The following UNG variants were observed in gnomAD, a reference collection of about 807,000 sequenced individuals.
UNG encodes the protein uracil DNA glycosylase, also known as uracil-DNA glycosylase.
In UNG, 34 loss-of-function variants were observed where a neutral mutation model predicts 36.5. The ratio of observed to expected loss-of-function variants is 0.93; its 90% CI spans 0.71 to 1.24. UNG has a LOEUF of 1.24. Among genes scored for constraint, UNG ranks in the 50% most tolerant of loss-of-function variants. UNG has a pLI of 0.00. For synonymous variants in UNG, 172 were observed against 157.8 expected (o/e 1.09, Z -0.67); for missense variants, 391 against 397.6 (o/e 0.98, Z 0.14).
At position 109,110,674 on chromosome 12, in the gene UNG, T is replaced by A. The variant is rs990568930; in HGVS notation, c.*705T>A. 6.6e-6 allele frequency: 1 copy of A among 152,388 alleles called. No individual in the cohort carries two copies. Among genetic ancestry groups the A allele is most frequent in the Non-Finnish European group, 1.5e-5 (1 of 68,308 alleles). The allele number at this position is 152,388 out of a possible 1,614,324, so 9.4% of individuals were successfully genotyped here. On this transcript the variant is annotated 3_prime_UTR_variant, in exon 7 of 7. Transcript: ENST00000242576. ...AAGAGGAGAAAAGGGAATTTTGTCT[T>A]TATGGGGTGGGGTGATTTTCTCCTA...
intron 6 of UNG, among the ~76,000 whole-genome samples, chr12:109,106,571 CAT>C (rs1053796042): frequency 6.6e-6 from 1 of 151,936 alleles, no homozygotes; most frequent in African/African-American, 2.4e-5. Flanking sequence ...ATGTTTCAGT[CAT>C]AAACTGTATA....
At chr12:109,101,184 CT>C in intron 3 of UNG, among the ~76,000 whole-genome samples, 1 of 133,148 alleles carries the variant, frequency 7.5e-6, no homozygotes, top group South Asian at 2.4e-4. Flanking sequence ...CCTCCACCCC[CT>C]GGGTTCAAGC....
In UNG at chr12:109,109,297, C is replaced by T. The variant is rs3219269; in HGVS notation, c.802-532C>T. ...TGAAAATTGCATAGATAATTGCCAA[C>T]TTGAAGGCAGAGGGTGGTGCTCTTT... On this transcript the variant is annotated intron_variant, in intron 6 of 6. Transcript: ENST00000242576. Among the ~76,000 whole-genome samples the T allele has an allele frequency of 9.3e-3, 1,409 of 152,214 alleles. 27 individuals are homozygous for T. The highest frequency in any genetic ancestry group is 0.031 in the African/African-American group (1,300 of 41,520).
At position 109,097,784 on chromosome 12, in the gene UNG, G is replaced by A. The variant is rs781349708; in HGVS notation, c.105G>A (p.Gly35=). ...CCGTCCAGGGGACCGGCGTGGCTGG[G>A]GTGCCTGAGGAAAGCGGAGATGCGG... ...EPAVQGTGVA[G]VPEESGDAAA... The change falls in exon 1 of 7, where the codon GGG becomes GGA. Residue 35 remains glycine (G), a synonymous_variant. Transcript: ENST00000242576. 5 of 1,556,912 alleles carry A rather than the reference G, an allele frequency of 3.2e-6. No individual in the cohort carries two copies. Among genetic ancestry groups the A allele is most frequent in the Admixed American group, 1.9e-5 (1 of 52,204 alleles).
intron 5 of UNG, 90 bp from the exon 6 acceptor site, chr12:109,103,343 A>T: frequency 1.6e-6 from 2 of 1,238,632 alleles, no homozygotes; most frequent in Non-Finnish European, 2.4e-6. Context: ...CCCATCAAGC[A>T]TTGGTTTCAT....
At chr12:109,104,534 C>A (rs1456894157) in intron 6 of UNG, among the ~76,000 whole-genome samples, 1 of 152,154 alleles carries the variant, frequency 6.6e-6, no homozygotes, top group Non-Finnish European at 1.5e-5. Flanking sequence ...TCCATCCCAT[C>A]AGTAAATCCC....
At chr12:109,109,506 G>T (rs1469175149) in intron 6 of UNG, among the ~76,000 whole-genome samples, 1 of 151,316 alleles carries the variant, frequency 6.6e-6, no homozygotes, top group South Asian at 2.1e-4. Flanking sequence ...AGTCCCGGCC[G>T]GGCATGGTGG....
At chr12:109,098,101 G>A in intron 1 of UNG, 1 of 1,385,956 alleles carries the variant, frequency 7.2e-7, no homozygotes, top group Non-Finnish European at 9.3e-7. Context: ...GGACCCAGAG[G>A]GAGGTTTTTT....
intron 6 of UNG, among the ~76,000 whole-genome samples, chr12:109,105,839 C>G (rs1290904408): frequency 1.3e-5 from 2 of 152,236 alleles, no homozygotes; most frequent in African/African-American, 4.8e-5. Context: ...CTGATCTTGC[C>G]TGGAGGGTTC....
rs1201337667 is a variant in UNG, at chr12:109,101,989, C to T, written c.523C>T (p.Pro175Ser). The T allele has an allele frequency of 1.2e-6, 2 of 1,613,984 alleles. No homozygotes were observed. Among genetic ancestry groups the T allele is most frequent in the Non-Finnish European group, 1.7e-6 (2 of 1,179,966 alleles). ...LCFSVQRPVP[P>S]PPSLENIYKE... Reference sequence around the variant, plus strand: ...CTTTAGTGTTCAAAGGCCTGTTCCGCCTCCGCCCAGGTACAGTTGCTTTAC... The same window carrying T: ...CTTTAGTGTTCAAAGGCCTGTTCCGTCTCCGCCCAGGTACAGTTGCTTTAC... The change falls in exon 4 of 7, where the codon CCT becomes TCT. Residue 175 changes from proline (P) to serine (S), a missense_variant. Transcript: ENST00000242576.
chr12:109,102,696 A>G (rs1201353350), intron 4 of UNG, 143 bp from the exon 5 acceptor site: 1 of 665,646 alleles, frequency 1.5e-6, no homozygotes, highest in East Asian at 2.8e-5. Flanking sequence ...TGTTGATCTC[A>G]TTAATCGGCG....
intron 4 of UNG, 80 bp from the exon 5 acceptor site, chr12:109,102,759 A>T: frequency 8.5e-7 from 1 of 1,178,134 alleles, no homozygotes; most frequent in Non-Finnish European, 1.3e-6. Context: ...TAACCTTTTC[A>T]CATATGTCTT....
At position 109,098,296 on chromosome 12, in the gene UNG, C is replaced by A; in HGVS notation, c.133-136C>A. 1.9e-6 allele frequency: 3 copies of A among 1,581,332 alleles called. No homozygotes were observed. The South Asian group carries it at 3.4e-5, about 18-fold the overall frequency. ...GACCGGGCCCAGCCCTGGGCTCTTA[C>A]TGTCCGCTTTTGCTGGGACCTGTTC... On this transcript the variant is annotated intron_variant, in intron 1 of 6. Coordinates refer to ENST00000242576, the MANE Select transcript of UNG (RefSeq NM_080911.3).
At position 109,097,775 on chromosome 12, in the gene UNG, C is replaced by G; in HGVS notation, c.96C>G (p.Gly32=). ...CCGAGCCGGCCGTCCAGGGGACCGG[C>G]GTGGCTGGGGTGCCTGAGGAAAGCG... The part of the protein sequence containing the change: ...PSPEPAVQGT[G]VAGVPEESGD... Residue 32 remains glycine, a synonymous_variant, in exon 1 of 7, where the codon GGC becomes GGG. Coordinates refer to ENST00000242576, the MANE Select transcript of UNG (RefSeq NM_080911.3). 1 of 1,562,886 alleles carries G rather than the reference C, an allele frequency of 6.4e-7. No homozygotes were observed. Among genetic ancestry groups the G allele is most frequent in the Non-Finnish European group, 8.7e-7 (1 of 1,153,354 alleles).
intron 3 of UNG, among the ~76,000 whole-genome samples, chr12:109,101,504 G>T (rs2135885322): frequency 6.6e-6 from 1 of 152,066 alleles, no homozygotes; most frequent in East Asian, 2.0e-4. Context: ...TCAGGAATTT[G>T]AGACCAGCCT....
chr12:109,097,764 C>A lies in UNG; in HGVS notation c.85C>A (p.Gln29Lys). ...RHAPSPEPAVQGTGVAGVPEE... is the reference protein window; with the variant it reads ...RHAPSPEPAVKGTGVAGVPEE... ...CGCCCCCAGCCCCGAGCCGGCCGTC[C>A]AGGGGACCGGCGTGGCTGGGGTGCC... Residue 29 changes from glutamine (Q) to lysine (K), a missense_variant, in exon 1 of 7, where the codon CAG becomes AAG. Gln to Lys is a moderately conservative substitution (Grantham distance 53). Coordinates refer to ENST00000242576, the MANE Select transcript of UNG (RefSeq NM_080911.3). 1 of 1,568,724 alleles carries A rather than the reference C, an allele frequency of 6.4e-7. No individual in the cohort carries two copies. The highest frequency in any genetic ancestry group is 1.2e-5 in the South Asian group (1 of 86,332).
In UNG at chr12:109,097,619, A is replaced by C; in HGVS notation, c.-61A>C. ...GCCAATTGCTGACCGCCACAGCCAC[A>C]GCCAGGGCTAGCCTCGCCGGTTCCC... On this transcript the variant is annotated 5_prime_UTR_variant, in exon 1 of 7. Transcript: ENST00000242576. 6.4e-7 allele frequency: 1 copy of C among 1,574,332 alleles called. No homozygotes were observed. The highest frequency in any genetic ancestry group is 8.6e-7 in the Non-Finnish European group (1 of 1,159,908).
In UNG at chr12:109,099,960, G is replaced by C. The variant is rs3219214; in HGVS notation, c.435+676G>C. 7.6e-4 allele frequency among the ~76,000 whole-genome samples: 116 copies of C among 152,276 alleles called. 1 individual carries two copies. In the East Asian group the frequency reaches 0.012, roughly 15 times the overall value. On this transcript the variant is annotated intron_variant, in intron 3 of 6. Coordinates refer to ENST00000242576, the MANE Select transcript of UNG (RefSeq NM_080911.3). ...GCCTGTAATTCCAGCTACTTGGGAG[G>C]CTGAGGTGGGAGAATCGCATGAGCC...
At chr12:109,106,921 A>ATATATATATACGTATATATATGTG (rs2042221514) in intron 6 of UNG, among the ~76,000 whole-genome samples, 1 of 39,418 alleles carries the variant, frequency 2.5e-5, no homozygotes, top group African/African-American at 1.2e-4. Flanking sequence ...ATATATGTGT[A>ATATATATATACGTATATATATGTG]TATATATATA....
Sources: allele counts gnomAD v4.1 joint callset (sites outside exome capture counted in the v4.1 genomes callset), GRCh38; gene constraint gnomAD v4.1.1; transcripts MANE v1.5; gene names NCBI Gene and HGNC (gene_info 2026-07-23, HGNC 2026-07-21).